Variants in PRCP observed in about 807,000 individuals in gnomAD.
PRCP encodes the protein prolylcarboxypeptidase.
Under a neutral mutation model 54.2 loss-of-function variants are expected in PRCP, and 46 were observed. The observed-to-expected ratio is 0.85, with a 90% CI of 0.67 to 1.09. The LOEUF (loss-of-function observed/expected upper bound fraction) is 1.09, where lower values mean the gene tolerates loss of function less well. PRCP is among the 50% of genes least tolerant of loss of function. The pLI, the probability that PRCP is intolerant of heterozygous loss-of-function variation, is 0.00. For synonymous variants in PRCP, 240 were observed against 212.2 expected, an observed-to-expected ratio of 1.13 and a Z score of -1.14; for missense variants, 613 against 596.8, an observed-to-expected ratio of 1.03 and a Z score of -0.28.
chr11:82,873,648 A>C (rs1859531605), intron 1 of PRCP, among the ~76,000 whole-genome samples: 1 of 152,270 alleles, frequency 6.6e-6, no homozygotes, highest in South Asian at 2.1e-4. Context: ...ACATGTTTAA[A>C]AAAGAAAAAG....
chr11:82,891,149 T>C (rs1428471812), intron 1 of PRCP, among the ~76,000 whole-genome samples: 1 of 152,162 alleles, frequency 6.6e-6, no homozygotes, highest in African/African-American at 2.4e-5. Context: ...ACCTACTCCT[T>C]CTGCAGCTTT....
At position 82,823,744 on chromosome 11, in the gene PRCP, C is replaced by T. The variant is rs1455858583; in HGVS notation, c.*1162G>A. ...GTGTCCCTGAAAGGTTTTGATCCAA[C>T]CCTATTTGTTATCCTAGAAAAGCTC... On this transcript the variant is annotated 3_prime_UTR_variant, in exon 9 of 9. Coordinates refer to ENST00000313010, the MANE Select transcript of PRCP (RefSeq NM_005040.4). The T allele has an allele frequency of 1.3e-5, 2 of 152,130 alleles. No individual in the cohort carries two copies. Among genetic ancestry groups the T allele is most frequent in the Non-Finnish European group, 1.5e-5 (1 of 68,022 alleles). The allele number at this position is 152,130 out of a possible 1,614,324, so 9.4% of individuals were successfully genotyped here.
chr11:82,827,970 CTTT>C (rs1858282891), intron 8 of PRCP: 2 of 152,078 alleles, frequency 1.3e-5, no homozygotes, highest in Admixed American at 6.6e-5. Context: ...TCTTGCACTT[CTTT>C]TGTTAAATTT....
At chr11:82,844,747 A>AAAAAAG (rs756222029) in intron 6 of PRCP, among the ~76,000 whole-genome samples, 1,487 of 135,960 alleles carry the variant, frequency 0.011, 34 homozygotes, top group African/African-American at 0.041. Context: ...AAAAAAAAAA[A>AAAAAAG]AAAGAAAGAA....
intron 1 of PRCP, among the ~76,000 whole-genome samples, chr11:82,892,943 A>G (rs1396031745): frequency 1.3e-5 from 2 of 152,202 alleles, no homozygotes; most frequent in Non-Finnish European, 2.9e-5. Flanking sequence ...CTGACATACA[A>G]AAGACACCAG....
chr11:82,874,964 C>T (rs1386102074), intron 1 of PRCP, among the ~76,000 whole-genome samples: 1 of 151,468 alleles, frequency 6.6e-6, no homozygotes, highest in Non-Finnish European at 1.5e-5. Context: ...TATCCTTGCA[C>T]AGTAGTTATT....
At chr11:82,840,314 G>GA (rs1858631085) in intron 6 of PRCP, 1 of 151,960 alleles carries the variant, frequency 6.6e-6, no homozygotes, top group African/African-American at 2.4e-5. Flanking sequence ...AGGGTTACAT[G>GA]AAAAATGATA....
At chr11:82,870,673 A>T (rs1859458299) in intron 1 of PRCP, among the ~76,000 whole-genome samples, 1 of 152,236 alleles carries the variant, frequency 6.6e-6, no homozygotes, top group Admixed American at 6.5e-5. Flanking sequence ...AGCATGGAAG[A>T]AAAAACTGAT....
intron 1 of PRCP, among the ~76,000 whole-genome samples, chr11:82,868,574 G>C (rs1360807380): frequency 2.0e-5 from 3 of 147,408 alleles, no homozygotes; most frequent in African/African-American, 7.7e-5. Context: ...GGTAATATCT[G>C]AGCTGAAACA....
At chr11:82,855,230 C>T (rs529502743) in intron 2 of PRCP, among the ~76,000 whole-genome samples, 1 of 152,220 alleles carries the variant, frequency 6.6e-6, no homozygotes, top group African/African-American at 2.4e-5. Flanking sequence ...AAACTATCAA[C>T]AGAGTAAACA....
intron 6 of PRCP, chr11:82,845,757 T>A (rs1008398790): frequency 5.3e-5 from 8 of 152,342 alleles, no homozygotes; most frequent in African/African-American, 1.9e-4. Flanking sequence ...AATTACAGCA[T>A]CCTTTAAAGT....
intron 2 of PRCP, among the ~76,000 whole-genome samples, chr11:82,855,496 G>A (rs575308415): frequency 7.9e-5 from 12 of 152,206 alleles, no homozygotes; most frequent in African/African-American, 2.9e-4. Context: ...GCGGGCACCT[G>A]TAGTCCCAGC....
At chr11:82,830,653 A>AAAAAAAAAAAAAAAAAAAT (rs1565215932) in intron 8 of PRCP, 1 of 150,706 alleles carries the variant, frequency 6.6e-6, no homozygotes, top group African/African-American at 2.4e-5. Context: ...AAAAAAAAAA[A>AAAAAAAAAAAAAAAAAAAT]AACTACACTC....
Position 82,860,110 on chromosome 11 carries a change from T to A in PRCP, c.176A>T (p.His59Leu). 2 of 1,510,154 alleles carry A rather than the reference T, an allele frequency of 1.3e-6. No individual in the cohort carries two copies. The highest frequency in any genetic ancestry group is 1.8e-6 in the Non-Finnish European group (2 of 1,122,820). The allele number at this position is 1,510,154 out of a possible 1,614,324, so 93.5% of individuals were successfully genotyped here. ...AGTTTTCACAGTATTAAATCCAAAA[T>A]GATCAACCTGTGATAAAAACAAAAC... ...SVLYFQQKVD[H>L]FGFNTVKTFN... Residue 59 changes from histidine (H) to leucine (L), a missense_variant, in exon 2 of 9, where the codon CAT becomes CTT. His to Leu is a moderately conservative substitution (Grantham distance 99, BLOSUM62 -3). Transcript: ENST00000313010.
intron 1 of PRCP, among the ~76,000 whole-genome samples, chr11:82,864,408 C>T (rs1257219830): frequency 6.6e-6 from 1 of 152,190 alleles, no homozygotes; most frequent in Non-Finnish European, 1.5e-5. Flanking sequence ...AAGTGGGACC[C>T]ACGTGCCACT....
intron 1 of PRCP, among the ~76,000 whole-genome samples, chr11:82,874,432 C>A (rs1009654352): frequency 1.3e-5 from 2 of 152,218 alleles, no homozygotes; most frequent in South Asian, 2.1e-4. Context: ...GGCTCACACC[C>A]GTGATCCCAG....
chr11:82,894,180 A>T (rs532896864), intron 1 of PRCP, among the ~76,000 whole-genome samples: 5 of 152,182 alleles, frequency 3.3e-5, no homozygotes, highest in Admixed American at 6.6e-5. Context: ...CTTACCTATG[A>T]TTCTCCTTTC....
At chr11:82,834,256 T>A (rs900431175) in intron 8 of PRCP, among the ~76,000 whole-genome samples, 2 of 152,250 alleles carry the variant, frequency 1.3e-5, no homozygotes, top group Non-Finnish European at 2.9e-5. Flanking sequence ...TGTTTTGCTA[T>A]AGCAGTGCTA....
intron 8 of PRCP, chr11:82,830,444 A>G (rs1241891106): frequency 6.6e-6 from 1 of 151,906 alleles, no homozygotes; most frequent in Non-Finnish European, 1.5e-5. Context: ...CCTGCCCAAT[A>G]TGGTGAAACC....
Sources: gnomAD v4.1 joint callset for allele counts (sites outside exome capture counted in the v4.1 genomes callset) on GRCh38, gnomAD v4.1.1 for gene constraint, MANE v1.5 for transcripts, NCBI Gene and HGNC (gene_info 2026-07-23, HGNC 2026-07-21) for gene names.